Variants in ZNRF1 observed in about 807,000 individuals in gnomAD.
The protein encoded by ZNRF1 is E3 ubiquitin-protein ligase ZNRF1.
ZNRF1 carries 3 observed loss-of-function variants against 18.4 expected under a neutral mutation model. The ratio of observed to expected loss-of-function variants is 0.16; its 90% CI spans 0.07 to 0.42. The LOEUF is 0.42. Ranked by LOEUF, ZNRF1 falls within the 10% of genes least tolerant of loss-of-function variation. The pLI is 0.99. For synonymous variants in ZNRF1, 157 were observed against 144.2 expected, an observed-to-expected ratio of 1.09 and a Z score of -0.64; for missense variants, 310 against 329.8, an observed-to-expected ratio of 0.94 and a Z score of 0.47.
At chr16:75,004,110 G>T (rs1412655716) in intron 1 of ZNRF1, among the ~76,000 whole-genome samples, 1 of 152,098 alleles carries the variant, frequency 6.6e-6, no homozygotes, top group African/African-American at 2.4e-5. Flanking sequence ...ACAGGCATGA[G>T]CCACCGTGCC....
At position 75,106,565 on chromosome 16, in the gene ZNRF1, C is replaced by G. The variant is rs1037470788; in HGVS notation, c.*26C>G. On this transcript the variant is annotated 3_prime_UTR_variant, in exon 4 of 5. Transcript: ENST00000335325. ...CCTGCGGGCTTGCTTGCTGACTCCT[C>G]TCAAAGGTGAGCCCGCGTTTGGGGG... 6.2e-7 allele frequency: 1 copy of G among 1,613,924 alleles called. No homozygotes were observed. Among genetic ancestry groups the G allele is most frequent in the Non-Finnish European group, 8.5e-7 (1 of 1,179,988 alleles).
intron 1 of ZNRF1, among the ~76,000 whole-genome samples, chr16:75,001,477 C>T (rs78784734): frequency 0.021 from 3,137 of 152,276 alleles, 101 homozygotes; most frequent in African/African-American, 0.071. Flanking sequence ...TTTCTGACCT[C>T]ATGGAACTCT....
At chr16:75,016,338 A>G (rs1472805973) in intron 1 of ZNRF1, among the ~76,000 whole-genome samples, 1 of 151,486 alleles carries the variant, frequency 6.6e-6, no homozygotes, top group African/African-American at 2.4e-5. Context: ...TCCCGGGTTC[A>G]AGCAATTCTC....
At chr16:75,058,805 G>A (rs1301448843) in intron 1 of ZNRF1, among the ~76,000 whole-genome samples, 2 of 152,124 alleles carry the variant, frequency 1.3e-5, no homozygotes, top group African/African-American at 2.4e-5. Context: ...GTTCCTTTCC[G>A]TTTGTCCTTT....
rs1567499004 is a variant in ZNRF1 at position 75,109,962 on chromosome 16, C to T, written c.*2262C>T. 1 of 152,398 alleles carries T rather than the reference C, an allele frequency of 6.6e-6. No individual in the cohort carries two copies. Among genetic ancestry groups the T allele is most frequent in the Non-Finnish European group, 1.5e-5 (1 of 68,132 alleles). The allele number at this position is 152,398 out of a possible 1,614,324, so 9.4% of individuals were successfully genotyped here. A position where few individuals can be genotyped will look rare whatever the true frequency, so the allele number is the denominator to read the frequency against. On this transcript the variant is annotated 3_prime_UTR_variant, in exon 5 of 5. Coordinates refer to ENST00000335325, the MANE Select transcript of ZNRF1 (RefSeq NM_032268.5). ...CAGGGCCCAGCCCTGAAGGAGATCT[C>T]CTTGCCTGACCCCTGGACCTGGAAA...
At chr16:75,072,925 G>A (rs1306240064) in intron 1 of ZNRF1, among the ~76,000 whole-genome samples, 1 of 152,218 alleles carries the variant, frequency 6.6e-6, no homozygotes, top group Non-Finnish European at 1.5e-5. Flanking sequence ...TGTTGGTGTA[G>A]TGATGGGCCC....
At position 75,074,865 on chromosome 16, in the gene ZNRF1, G is replaced by A. The variant is rs377097881; in HGVS notation, c.425-18707G>A. Among the ~76,000 whole-genome samples the A allele has an allele frequency of 3.3e-5, 5 of 152,258 alleles. No homozygotes were observed. In the South Asian group the frequency reaches 1.0e-3, roughly 32 times the overall value. On this transcript the variant is annotated intron_variant, in intron 1 of 4. Coordinates refer to ENST00000335325, the MANE Select transcript of ZNRF1 (RefSeq NM_032268.5). ...GGAGGATCACTTGAAGCCAGGACTT[G>A]GAGGCCAGCCTGGGCAACATAACAA...
At chr16:75,050,915 A>AGGTACAGT (rs1206673189) in intron 1 of ZNRF1, among the ~76,000 whole-genome samples, 3 of 141,142 alleles carry the variant, frequency 2.1e-5, no homozygotes, top group Non-Finnish European at 1.5e-5. Flanking sequence ...ACTTGTAGCC[A>AGGTACAGT]GGTACAGTGG....
chr16:75,000,036 C>T lies in ZNRF1; in HGVS notation c.365C>T (p.Ala122Val). 2.5e-6 allele frequency: 4 copies of T among 1,597,890 alleles called. No homozygotes were observed. The highest frequency in any genetic ancestry group is 1.7e-4 in the Middle Eastern group (1 of 6,038). ...RDGMLYLGSR[A>V]SLADALPLHI... is the part of the protein sequence containing the mutation. ...GGGATGCTGTACCTGGGCTCCCGAG[C>T]CTCGCTGGCGGATGCTCTACCTCTG... The change falls in exon 1 of 5, where the codon GCC (alanine) becomes GTC (valine). Residue 122 changes from alanine to valine, a missense_variant. Physicochemically the swap from Ala to Val is moderately conservative, Grantham distance 64 (BLOSUM62 0). Coordinates refer to ENST00000335325, the MANE Select transcript of ZNRF1 (RefSeq NM_032268.5).
Position 75,091,699 on chromosome 16 carries a change from A to AT in ZNRF1, c.425-1864dup, listed in dbSNP as rs937212262. ...AGGCACACACCACCACTCCCAGCTA[A>AT]TTTTTTTTTGTAATTTTTGTAGAGA... On this transcript the variant is annotated intron_variant, in intron 1 of 4. Coordinates refer to ENST00000335325, the MANE Select transcript of ZNRF1 (RefSeq NM_032268.5). 1.8e-3 allele frequency among the ~76,000 whole-genome samples: 265 copies of AT among 150,770 alleles called. 1 individual carries two copies. The highest frequency in any genetic ancestry group is 5.6e-3 in the African/African-American group (229 of 41,076).
At position 74,999,953 on chromosome 16, in the gene ZNRF1, C is replaced by G. The variant is rs1379430962; in HGVS notation, c.282C>G (p.Asp94Glu). 1 of 1,576,476 alleles carries G rather than the reference C, an allele frequency of 6.3e-7. No homozygotes were observed. The highest frequency in any genetic ancestry group is 1.2e-5 in the South Asian group (1 of 86,172). The change falls in exon 1 of 5, where the codon GAC becomes GAG. Residue 94 changes from aspartate to glutamate, a missense_variant. Asp to Glu is a conservative substitution (Grantham distance 45). Coordinates refer to ENST00000335325, the MANE Select transcript of ZNRF1 (RefSeq NM_032268.5). ...CCGGCGGCGGAGGGTCTGCGTCCGA[C>G]TCCACCTATGCCCATGGCAATGGTT... Reference protein sequence around the residue: ...RAPGGGGSASDSTYAHGNGYQ... With the variant: ...RAPGGGGSASESTYAHGNGYQ...
chr16:75,103,048 C>A (rs530054699), intron 2 of ZNRF1, among the ~76,000 whole-genome samples: 1 of 152,290 alleles, frequency 6.6e-6, no homozygotes, highest in African/African-American at 2.4e-5. Context: ...TTCCCCATAC[C>A]CTCAGCCCTG....
intron 1 of ZNRF1, among the ~76,000 whole-genome samples, chr16:75,051,366 C>T (rs941099542): frequency 6.6e-6 from 1 of 151,790 alleles, no homozygotes; most frequent in Non-Finnish European, 1.5e-5. Context: ...TGCCACCACA[C>T]CCAGCTAATT....
rs571322016 is a variant in ZNRF1 at position 75,009,293 on chromosome 16, A to T, written c.424+9198A>T. 2.0e-5 allele frequency among the ~76,000 whole-genome samples: 3 copies of T among 152,288 alleles called. No homozygotes were observed. In the East Asian group the frequency reaches 5.8e-4, roughly 29 times the overall value. On this transcript the variant is annotated intron_variant, in intron 1 of 4. Transcript: ENST00000335325. ...TTTGTTTTTTTAACTGTCATAAAAT[A>T]TATGTAACAAAATTTACTATCTTAA... is the stretch of plus-strand genomic sequence containing the variant.
At chr16:75,045,503 A>G (rs545754423) in intron 1 of ZNRF1, among the ~76,000 whole-genome samples, 3 of 152,272 alleles carry the variant, frequency 2.0e-5, no homozygotes, top group Admixed American at 6.5e-5. Context: ...AGCAATAAAG[A>G]TGCTATGACA....
intron 1 of ZNRF1, among the ~76,000 whole-genome samples, chr16:75,068,308 G>A (rs1028810507): frequency 6.6e-6 from 1 of 151,692 alleles, no homozygotes; most frequent in African/African-American, 2.4e-5. Context: ...AAGCTGCAGT[G>A]AACTGTGATC....
intron 1 of ZNRF1, among the ~76,000 whole-genome samples, chr16:75,019,149 G>C (rs988114446): frequency 9.2e-5 from 14 of 152,116 alleles, no homozygotes; most frequent in Admixed American, 1.3e-4. Flanking sequence ...CTGGGAGACA[G>C]AGTGAGACGT....
At chr16:75,061,222 A>T (rs2035739994) in intron 1 of ZNRF1, among the ~76,000 whole-genome samples, 1 of 152,124 alleles carries the variant, frequency 6.6e-6, no homozygotes, top group Non-Finnish European at 1.5e-5. Flanking sequence ...TAGTCACCCT[A>T]TTGTGCTATC....
In ZNRF1 at chr16:74,999,502, C is replaced by A. The variant is rs2034806456; in HGVS notation, c.-170C>A. On this transcript the variant is annotated 5_prime_UTR_variant, in exon 1 of 5. Transcript: ENST00000335325. ...ATCCCCGCCCGCCCGCCTGCCTCTT[C>A]CGCCCCGCGGGTTTTTTCCTTTTTT... The A allele has an allele frequency of 4.3e-6, 2 of 464,392 alleles. No individual in the cohort carries two copies. The highest frequency in any genetic ancestry group is 5.6e-4 in the Middle Eastern group (1 of 1,778). The allele number at this position is 464,392 out of a possible 1,614,324, so 28.8% of individuals were successfully genotyped here. A position where few individuals can be genotyped will look rare whatever the true frequency, so the allele number is the denominator to read the frequency against.
Sources: allele counts gnomAD v4.1 joint callset (sites outside exome capture counted in the v4.1 genomes callset), GRCh38; gene constraint gnomAD v4.1.1; transcripts MANE v1.5; gene names NCBI Gene and HGNC (gene_info 2026-07-23, HGNC 2026-07-21).